Variants in CPT1A observed in about 807,000 individuals in gnomAD.
CPT1A encodes carnitine O-palmitoyltransferase 1, liver isoform.
A neutral mutation model predicts 100.8 loss-of-function variants in CPT1A; 64 were observed. The observed-to-expected ratio is 0.63, with a 90% CI of 0.52 to 0.78. The LOEUF (loss-of-function observed/expected upper bound fraction) is 0.78. CPT1A is among the 30% of genes least tolerant of loss of function. The pLI, the probability that CPT1A is intolerant of heterozygous loss-of-function variation, is 0.00. For missense variants in CPT1A, 802 were observed against 1,034.1 expected, an observed-to-expected ratio of 0.78 and a Z score of 3.08; for synonymous variants, 363 against 396.0, an observed-to-expected ratio of 0.92 and a Z score of 0.99.
At chr11:68,766,470 G>T (rs1854804191) in intron 14 of CPT1A, among the ~76,000 whole-genome samples, 2 of 152,048 alleles carry the variant, frequency 1.3e-5, no homozygotes, top group South Asian at 4.1e-4. Flanking sequence ...CACTTTAATG[G>T]ATCTGTCATT....
chr11:68,792,617 G>C (rs1349367617), intron 9 of CPT1A, among the ~76,000 whole-genome samples: 1 of 152,186 alleles, frequency 6.6e-6, no homozygotes, highest in African/African-American at 2.4e-5. Flanking sequence ...GGCTTACGTG[G>C]CCACCCTGCC....
chr11:68,780,868 GCAGA>G (rs1214521479), intron 11 of CPT1A, 123 bp from the exon 12 acceptor site: 2 of 740,064 alleles, frequency 2.7e-6, no homozygotes, highest in Non-Finnish European at 5.0e-6. Flanking sequence ...CTAACAGTGA[GCAGA>G]CACTCAGTCT....
rs1855281943 is a variant in CPT1A at position 68,780,637 on chromosome 11, C to T, written c.1458+3G>A. The T allele has an allele frequency of 1.2e-6, 2 of 1,613,364 alleles. No individual in the cohort carries two copies. Among genetic ancestry groups the T allele is most frequent in the Non-Finnish European group, 1.7e-6 (2 of 1,179,436 alleles). The stretch of plus-strand genomic sequence containing the variant: ...CATTCAAGTGAAAAGTGTGAAAACT[C>T]ACCTCCCAAAGGTGGGCCACGATCG... On this transcript the variant is annotated splice_donor_region_variant and intron_variant, in intron 12 of 18. Coordinates refer to ENST00000265641, the MANE Select transcript of CPT1A (RefSeq NM_001876.4).
At chr11:68,817,155 G>C (rs140857909) in intron 1 of CPT1A, among the ~76,000 whole-genome samples, 2 of 114,222 alleles carry the variant, frequency 1.8e-5, no homozygotes, top group African/African-American at 1.2e-4. Flanking sequence ...GTGTGTGTCT[G>C]TGTGTGTGTG....
chr11:68,773,846 TG>T (rs1855065882), intron 13 of CPT1A: 1 of 298,358 alleles, frequency 3.4e-6, no homozygotes, highest in South Asian at 3.2e-5. Flanking sequence ...GTTGGGCGAG[TG>T]GGCTGAAGCA....
chr11:68,759,746 G>A, intron 17 of CPT1A, 85 bp from the exon 18 acceptor site: 2 of 1,003,702 alleles, frequency 2.0e-6, no homozygotes, highest in South Asian at 1.3e-5. Context: ...ATGCAACACT[G>A]GCGGGGCTCG....
chr11:68,805,757 C>G (rs979521884), intron 4 of CPT1A, among the ~76,000 whole-genome samples: 1 of 152,226 alleles, frequency 6.6e-6, no homozygotes, highest in Non-Finnish European at 1.5e-5. Context: ...CCATTACAAC[C>G]ATTTAGGCCA....
At chr11:68,784,015 A>C (rs1261230878) in intron 10 of CPT1A, among the ~76,000 whole-genome samples, 2 of 152,112 alleles carry the variant, frequency 1.3e-5, no homozygotes, top group Admixed American at 1.3e-4. Flanking sequence ...GACTACAGGC[A>C]CGCACCACCA....
chr11:68,799,577 C>T (rs1855848084), intron 5 of CPT1A, among the ~76,000 whole-genome samples: 2 of 151,718 alleles, frequency 1.3e-5, no homozygotes, highest in Admixed American at 1.3e-4. Context: ...GGTGAAACCC[C>T]ATCTCTACAA....
At chr11:68,770,486 C>A (rs1854957916) in intron 14 of CPT1A, among the ~76,000 whole-genome samples, 1 of 152,214 alleles carries the variant, frequency 6.6e-6, no homozygotes, top group African/African-American at 2.4e-5. Flanking sequence ...GCCTCCCACA[C>A]TTTTACTTTG....
intron 6 of CPT1A, among the ~76,000 whole-genome samples, chr11:68,797,477 C>A (rs1855784489): frequency 6.6e-6 from 1 of 152,074 alleles, no homozygotes; most frequent in African/African-American, 2.4e-5. Flanking sequence ...TTGAAGCCAG[C>A]CTGGGCAACA....
chr11:68,833,820 C>T (rs953585605), intron 1 of CPT1A, among the ~76,000 whole-genome samples: 6 of 151,490 alleles, frequency 4.0e-5, no homozygotes, highest in African/African-American at 1.5e-4. Context: ...TTATGTTTTT[C>T]GGAGGGTTTC....
intron 12 of CPT1A, among the ~76,000 whole-genome samples, chr11:68,780,039 G>A (rs1016995567): frequency 6.6e-6 from 1 of 152,074 alleles, no homozygotes; most frequent in Non-Finnish European, 1.5e-5. Flanking sequence ...AGGAAAAACC[G>A]AGCTTCACTT....
chr11:68,828,048 G>A (rs1856777096), intron 1 of CPT1A, among the ~76,000 whole-genome samples: 1 of 152,212 alleles, frequency 6.6e-6, no homozygotes, highest in Non-Finnish European at 1.5e-5. Flanking sequence ...AATGGGAGTA[G>A]AAAAAGAGCA....
At chr11:68,798,726 GATGGGAGC>G (rs1855822380) in intron 6 of CPT1A, among the ~76,000 whole-genome samples, 1 of 152,222 alleles carries the variant, frequency 6.6e-6, no homozygotes, top group South Asian at 2.1e-4. Context: ...CAAAGAGGAG[GATGGGAGC>G]AGGTCTCTGG....
chr11:68,799,456 A>G (rs1197003895), intron 5 of CPT1A, 101 bp from the exon 6 acceptor site: 7 of 1,350,648 alleles, frequency 5.2e-6, no homozygotes, highest in Middle Eastern at 1.8e-4. Context: ...TAACACATTG[A>G]AAAGGTTTTA....
At chr11:68,769,447 C>G (rs74791697) in intron 14 of CPT1A, among the ~76,000 whole-genome samples, 3,685 of 147,756 alleles carry the variant, frequency 0.025, 55 homozygotes, top group Non-Finnish European at 0.035. Flanking sequence ...GATAGAGTCT[C>G]CCCATATTGC....
At chr11:68,831,811 T>A (rs1056663883) in intron 1 of CPT1A, among the ~76,000 whole-genome samples, 2 of 151,996 alleles carry the variant, frequency 1.3e-5, no homozygotes, top group Non-Finnish European at 2.9e-5. Flanking sequence ...TTTTGTATTT[T>A]TAGTAGAGAT....
intron 14 of CPT1A, among the ~76,000 whole-genome samples, chr11:68,768,708 A>G (rs1475788072): frequency 6.6e-6 from 1 of 152,096 alleles, no homozygotes; most frequent in Non-Finnish European, 1.5e-5. Flanking sequence ...GCCTGGCCAG[A>G]TTTCCTCACA....
Sources: gnomAD v4.1 joint callset for allele counts (sites outside exome capture counted in the v4.1 genomes callset) on GRCh38, gnomAD v4.1.1 for gene constraint, MANE v1.5 for transcripts, NCBI Gene and HGNC (gene_info 2026-07-23, HGNC 2026-07-21) for gene names.